The following PTPRD variants were observed in gnomAD, a reference collection of about 807,000 sequenced individuals.
PTPRD encodes protein tyrosine phosphatase receptor type D.
Under a neutral mutation model 214.5 loss-of-function variants are expected in PTPRD, and 34 were observed. That is an observed-to-expected ratio of 0.16 (90% confidence interval 0.12 to 0.21). The LOEUF (loss-of-function observed/expected upper bound fraction) is 0.21. Among genes scored for constraint, PTPRD ranks in the 10% least tolerant of loss-of-function variants. The pLI is 1.00. For synonymous variants in PTPRD, 1,128 were observed against 845.7 expected, an observed-to-expected ratio of 1.33 and a Z score of -5.79; for missense variants, 2,545 against 2,398.7, an observed-to-expected ratio of 1.06 and a Z score of -1.27.
At chr9:8,378,974 C>T (rs2084101034) in intron 37 of PTPRD, among the ~76,000 whole-genome samples, 1 of 152,010 alleles carries the variant, frequency 6.6e-6, no homozygotes, top group African/African-American at 2.4e-5. Context: ...CTATTATTGG[C>T]TTAGACTCTG....
At chr9:9,657,903 A>C (rs1479786750) in intron 7 of PTPRD, among the ~76,000 whole-genome samples, 1 of 152,148 alleles carries the variant, frequency 6.6e-6, no homozygotes. Flanking sequence ...TTTCCCCCCG[A>C]CCTAAAGAGA....
At chr9:9,891,663 AAAC>A (rs112826589) in intron 5 of PTPRD, among the ~76,000 whole-genome samples, 4,836 of 152,140 alleles carry the variant, frequency 0.032, 229 homozygotes, top group African/African-American at 0.1. Flanking sequence ...TCAGACCTCT[AAAC>A]ACAGATCACT....
At chr9:8,354,140 A>AACTT (rs1200687727) in intron 39 of PTPRD, among the ~76,000 whole-genome samples, 2 of 151,482 alleles carry the variant, frequency 1.3e-5, no homozygotes, top group African/African-American at 4.8e-5. Flanking sequence ...ATTTATCCAA[A>AACTT]ACTTAGAAGT....
intron 11 of PTPRD, among the ~76,000 whole-genome samples, chr9:8,968,097 T>C (rs527909937): frequency 6.6e-6 from 1 of 152,162 alleles, no homozygotes; most frequent in Non-Finnish European, 1.5e-5. Flanking sequence ...TCCCTTTTTA[T>C]GGCTGCATAG....
At chr9:10,153,391 A>G (rs1442427132) in intron 3 of PTPRD, among the ~76,000 whole-genome samples, 2 of 151,458 alleles carry the variant, frequency 1.3e-5, no homozygotes, top group Non-Finnish European at 2.9e-5. Flanking sequence ...TGCTTTTCAT[A>G]TTGTTTCTAA....
intron 2 of PTPRD, among the ~76,000 whole-genome samples, chr9:10,450,989 A>C (rs2098837866): frequency 6.6e-6 from 1 of 152,016 alleles, no homozygotes; most frequent in Non-Finnish European, 1.5e-5. Context: ...TCCTACATGT[A>C]ACTCACTAGA....
chr9:9,391,897 T>A (rs970902418), intron 9 of PTPRD, among the ~76,000 whole-genome samples: 2 of 152,140 alleles, frequency 1.3e-5, no homozygotes, highest in Non-Finnish European at 2.9e-5. Flanking sequence ...TAAAGAAGAC[T>A]TTGGTTCACA....
chr9:9,684,481 C>G (rs1202398852), intron 7 of PTPRD, among the ~76,000 whole-genome samples: 1 of 151,570 alleles, frequency 6.6e-6, no homozygotes, highest in African/African-American at 2.4e-5. Context: ...TGGTCTTTGT[C>G]AACTCAATGC....
intron 9 of PTPRD, among the ~76,000 whole-genome samples, chr9:9,290,854 G>A (rs925243665): frequency 1.1e-4 from 16 of 151,510 alleles, no homozygotes; most frequent in African/African-American, 3.4e-4. Flanking sequence ...TATTTTGTGT[G>A]CTGGGCACTT....
At chr9:9,391,676 A>G (rs1330375938) in intron 9 of PTPRD, among the ~76,000 whole-genome samples, 3 of 152,154 alleles carry the variant, frequency 2.0e-5, no homozygotes, top group Non-Finnish European at 4.4e-5. Context: ...TTAGGGCATT[A>G]TTTCTCTTCC....
chr9:10,292,637 A>C (rs899321288), intron 3 of PTPRD, among the ~76,000 whole-genome samples: 4 of 152,006 alleles, frequency 2.6e-5, no homozygotes, highest in African/African-American at 7.2e-5. Context: ...CTACCCAACA[A>C]AATCTAGTGA....
intron 10 of PTPRD, among the ~76,000 whole-genome samples, chr9:9,076,842 T>A (rs1452402798): frequency 6.6e-6 from 1 of 151,558 alleles, no homozygotes; most frequent in Non-Finnish European, 1.5e-5. Context: ...CTGGAACATA[T>A]GGTAGCTCTA....
chr9:10,116,097 G>C (rs2098728918), intron 3 of PTPRD, among the ~76,000 whole-genome samples: 1 of 152,056 alleles, frequency 6.6e-6, no homozygotes, highest in Non-Finnish European at 1.5e-5. Context: ...TAACAAGCGG[G>C]AGTAAAGTTC....
chr9:10,077,537 A>G (rs934838109), intron 3 of PTPRD, among the ~76,000 whole-genome samples: 3 of 152,112 alleles, frequency 2.0e-5, no homozygotes, highest in African/African-American at 7.2e-5. Flanking sequence ...GTGCAGGTTT[A>G]TTATACAGAT....
intron 9 of PTPRD, among the ~76,000 whole-genome samples, chr9:9,396,299 G>T (rs776498840): frequency 6.6e-6 from 1 of 151,944 alleles, no homozygotes; most frequent in African/African-American, 2.4e-5. Flanking sequence ...TTTACAGCAT[G>T]GTCTTTAAAC....
chr9:8,477,818 A>G (rs1287414375), intron 30 of PTPRD, among the ~76,000 whole-genome samples: 2 of 152,208 alleles, frequency 1.3e-5, no homozygotes, highest in Non-Finnish European at 2.9e-5. Context: ...GGAAAAAAAA[A>G]AATTCTATTT....
chr9:10,194,339 TATATATAGAGAGAGAGAGAG>T (rs1167747184), intron 3 of PTPRD, among the ~76,000 whole-genome samples: 136 of 68,228 alleles, frequency 2.0e-3, no homozygotes, highest in East Asian at 7.4e-3. Flanking sequence ...TATATATATA[TATATATAGAGAGAGAGAGAG>T]AGAGAGAGAG....
chr9:9,207,711 T>C (rs1037809267), intron 9 of PTPRD, among the ~76,000 whole-genome samples: 1 of 152,178 alleles, frequency 6.6e-6, no homozygotes, highest in Admixed American at 6.5e-5. Flanking sequence ...CAGTAATGTA[T>C]TGCAACAATA....
intron 8 of PTPRD, among the ~76,000 whole-genome samples, chr9:9,435,657 G>A (rs571147293): frequency 6.6e-6 from 1 of 152,148 alleles, no homozygotes; most frequent in East Asian, 1.9e-4. Context: ...AGTAAAAGTT[G>A]CATATATCAT....
Sources: gnomAD v4.1 joint callset for allele counts (sites outside exome capture counted in the v4.1 genomes callset) on GRCh38, gnomAD v4.1.1 for gene constraint, MANE v1.5 for transcripts, NCBI Gene and HGNC (gene_info 2026-07-23, HGNC 2026-07-21) for gene names.